ZIK1: variants seen among roughly 807,000 people sequenced by gnomAD.
ZIK1 encodes the protein zinc finger protein interacting with K protein 1, also known as zinc finger protein interacting with ribonucleoprotein K.
In ZIK1, 12 loss-of-function variants were observed where a neutral mutation model predicts 10.7. The ratio of observed to expected loss-of-function variants is 1.12; its 90% confidence interval spans 0.72 to 1.81. ZIK1 has a LOEUF of 1.81. ZIK1 is among the 40% of genes most tolerant of loss of function. The pLI is 0.00. For missense variants in ZIK1, 497 were observed against 585.7 expected (o/e 0.85, Z 1.56); for synonymous variants, 190 against 205.0 (o/e 0.93, Z 0.63).
chr19:57,589,608 A>G (rs2066462489), intron 3 of ZIK1: 1 of 985,184 alleles, frequency 1.0e-6, no homozygotes, highest in Admixed American at 6.2e-5. Context: ...ATCACTTGCT[A>G]CTCAGTTTCA....
In ZIK1 at chr19:57,591,647, G is replaced by C. The variant is rs1419600435; in HGVS notation, c.*372G>C. 5.4e-6 allele frequency: 1 copy of C among 185,848 alleles called. No individual in the cohort carries two copies. The highest frequency in any genetic ancestry group is 1.1e-5 in the Non-Finnish European group (1 of 88,794). 11.5% of individuals were successfully genotyped at this position (185,848 alleles called of 1,614,324 possible). A position where few individuals can be genotyped will look rare whatever the true frequency, so the allele number is the denominator to read the frequency against. ...CTGATCACAGCATACGTGTGACCCA[G>C]TTTGGGTCAGGAGGGCCCAGCCTTG... On this transcript the variant is annotated 3_prime_UTR_variant, in exon 4 of 4. Transcript: ENST00000597850.
rs1249193407 is a variant in ZIK1, at chr19:57,592,280, G to C, written c.*1005G>C. The C allele has an allele frequency of 6.6e-6, 1 of 152,040 alleles. No individual in the cohort carries two copies. The highest frequency in any genetic ancestry group is 3.2e-3 in the Middle Eastern group (1 of 316). The allele number at this position is 152,040 out of a possible 1,614,324, so 9.4% of individuals were successfully genotyped here. ...GCGAGTCACATGTGAACTGTAATTG[G>C]TACAGAAATACCTGGGTATTTCTGT... is the stretch of plus-strand genomic sequence containing the variant. On this transcript the variant is annotated 3_prime_UTR_variant, in exon 4 of 4. Coordinates refer to ENST00000597850, the MANE Select transcript of ZIK1 (RefSeq NM_001010879.4).
At position 57,590,794 on chromosome 19, in the gene ZIK1, G is replaced by A; in HGVS notation, c.983G>A (p.Cys328Tyr). Residue 328 changes from cysteine to tyrosine, a missense_variant, in exon 4 of 4, where the codon TGT becomes TAT. Coordinates refer to ENST00000597850, the MANE Select transcript of ZIK1 (RefSeq NM_001010879.4). ...GCAAGGCCTTATGAGTGTAGCCAGT[G>A]TGGGAAATCCTTTAGCCAAAAAGCC... is the stretch of plus-strand genomic sequence containing the variant. Reference protein sequence around the residue: ...TGARPYECSQCGKSFSQKATL... With the variant: ...TGARPYECSQYGKSFSQKATL... 1 of 1,614,226 alleles carries A rather than the reference G, an allele frequency of 6.2e-7. No individual in the cohort carries two copies.
chr19:57,585,962 A>C (rs1599918336), intron 2 of ZIK1, among the ~76,000 whole-genome samples: 1 of 148,012 alleles, frequency 6.8e-6, no homozygotes, highest in South Asian at 2.1e-4. Flanking sequence ...CAAACTCCTG[A>C]CCTCAGGTGA....
chr19:57,587,898 A>G (rs1979307054), intron 2 of ZIK1, among the ~76,000 whole-genome samples: 1 of 152,044 alleles, frequency 6.6e-6, no homozygotes, highest in Non-Finnish European at 1.5e-5. Flanking sequence ...ATTTTGAATG[A>G]GGGTTAAGAG....
chr19:57,588,987 T>C (rs555673720), intron 3 of ZIK1, among the ~76,000 whole-genome samples: 1 of 152,270 alleles, frequency 6.6e-6, no homozygotes, highest in South Asian at 2.1e-4. Context: ...TTCTTGTGGC[T>C]ACCTGTGTCA....
chr19:57,590,146 T>A lies in ZIK1; in HGVS notation c.335T>A (p.Ile112Asn), dbSNP rs1373853202. The A allele has an allele frequency of 2.5e-6, 4 of 1,614,186 alleles. No individual in the cohort carries two copies. Among genetic ancestry groups the A allele is most frequent in the Non-Finnish European group, 2.5e-6 (3 of 1,180,042 alleles). The change falls in exon 4 of 4, where the codon ATT (isoleucine) becomes AAT (asparagine). Residue 112 changes from isoleucine (I) to asparagine (N), a missense_variant. Coordinates refer to ENST00000597850, the MANE Select transcript of ZIK1 (RefSeq NM_001010879.4). The stretch of plus-strand genomic sequence containing the variant: ...ATGTGTGTCCCAGTCCTGAAAGATA[T>A]TTTGCATCTAGCTGATCTCCCTGGG... Reference protein sequence around the residue: ...CEMCVPVLKDILHLADLPGQK... With the variant: ...CEMCVPVLKDNLHLADLPGQK...
At chr19:57,587,254 C>G (rs1979248522) in intron 2 of ZIK1, among the ~76,000 whole-genome samples, 1 of 152,160 alleles carries the variant, frequency 6.6e-6, no homozygotes, top group Non-Finnish European at 1.5e-5. Context: ...CAAATCATAT[C>G]ATCTGATAAG....
At chr19:57,585,114 C>A in intron 2 of ZIK1, 124 bp downstream of exon 2, 1 of 839,294 alleles carries the variant, frequency 1.2e-6, no homozygotes. Flanking sequence ...AGCTTGACAT[C>A]CTGATTCTAG....
chr19:57,590,044 C>T lies in ZIK1; in HGVS notation c.233C>T (p.Pro78Leu), dbSNP rs1456546790. The T allele has an allele frequency of 6.2e-7, 1 of 1,614,150 alleles. No homozygotes were observed. Among genetic ancestry groups the T allele is most frequent in the Non-Finnish European group, 8.5e-7 (1 of 1,180,006 alleles). The change falls in exon 4 of 4, where the codon CCT becomes CTT. Residue 78 changes from proline to leucine, a missense_variant. Transcript: ENST00000597850. ...CATGGAACAGAGGATGAAGAGACACCTTCTGACCAGAATGTTTCTGTAGGA... is the reference window on the plus strand; with the variant it reads ...CATGGAACAGAGGATGAAGAGACACTTTCTGACCAGAATGTTTCTGTAGGA... ...CGHGTEDEET[P>L]SDQNVSVGVS...
At chr19:57,584,728 G>A in intron 1 of ZIK1, 2 of 1,101,932 alleles carry the variant, frequency 1.8e-6, no homozygotes, top group East Asian at 2.8e-5. Flanking sequence ...CATGGAGTTA[G>A]ACTAGAATAG....
rs1979760096 is a variant in ZIK1, at chr19:57,592,227, C to T, written c.*952C>T. The T allele has an allele frequency of 6.6e-6, 1 of 152,106 alleles. No homozygotes were observed. Among genetic ancestry groups the T allele is most frequent in the African/African-American group, 2.4e-5 (1 of 41,390 alleles). 9.4% of individuals were successfully genotyped at this position (152,106 alleles called of 1,614,324 possible). ...AGGCATGCCCTGATATCAAACATTC[C>T]ATAGGCCGATGTCACGCAGAAGACA... is the stretch of plus-strand genomic sequence containing the variant. On this transcript the variant is annotated 3_prime_UTR_variant, in exon 4 of 4. Coordinates refer to ENST00000597850, the MANE Select transcript of ZIK1 (RefSeq NM_001010879.4).
chr19:57,589,454 T>C (rs1979463564), intron 3 of ZIK1: 3 of 985,312 alleles, frequency 3.0e-6, no homozygotes, highest in African/African-American at 1.7e-5. Context: ...CTATGACTTC[T>C]AGCACCTGGC....
At chr19:57,586,902 T>C (rs1023573307) in intron 2 of ZIK1, among the ~76,000 whole-genome samples, 5 of 152,210 alleles carry the variant, frequency 3.3e-5, no homozygotes. Context: ...TGATTTACTG[T>C]ATTAGTCCAT....
Position 57,592,862 on chromosome 19 carries a change from C to T in ZIK1, c.*1587C>T, listed in dbSNP as rs1979815619. On this transcript the variant is annotated 3_prime_UTR_variant, in exon 4 of 4. Coordinates refer to ENST00000597850, the MANE Select transcript of ZIK1 (RefSeq NM_001010879.4). Reference sequence around the variant, plus strand: ...GAGTTTGTCATACAAGCCTGTGAAACCATAATCATGATCATGAACATATTC... The same window carrying T: ...GAGTTTGTCATACAAGCCTGTGAAATCATAATCATGATCATGAACATATTC... 1 of 152,138 alleles carries T rather than the reference C, an allele frequency of 6.6e-6. No homozygotes were observed. The allele number at this position is 152,138 out of a possible 1,614,324, so 9.4% of individuals were successfully genotyped here. A position where few individuals can be genotyped will look rare whatever the true frequency, so the allele number is the denominator to read the frequency against.
chr19:57,586,748 T>C (rs922082302), intron 2 of ZIK1, among the ~76,000 whole-genome samples: 2 of 152,120 alleles, frequency 1.3e-5, no homozygotes, highest in African/African-American at 4.8e-5. Context: ...AGACAGCAAG[T>C]CTCTAGGAAG....
Position 57,593,119 on chromosome 19 carries a change from A to G in ZIK1, c.*1844A>G, listed in dbSNP as rs1599927735. 1 of 148,766 alleles carries G rather than the reference A, an allele frequency of 6.7e-6. No individual in the cohort carries two copies. The highest frequency in any genetic ancestry group is 1.5e-5 in the Non-Finnish European group (1 of 67,524). The allele number at this position is 148,766 out of a possible 1,614,324, so 9.2% of individuals were successfully genotyped here. A position where few individuals can be genotyped will look rare whatever the true frequency, so the allele number is the denominator to read the frequency against. On this transcript the variant is annotated 3_prime_UTR_variant, in exon 4 of 4. Coordinates refer to ENST00000597850, the MANE Select transcript of ZIK1 (RefSeq NM_001010879.4). Reference sequence around the variant, plus strand: ...GAGTGCAGTGGCATGATCTTGGCTCACTCCAACCTCCTCCTGGGTTCCAGC... The same window carrying G: ...GAGTGCAGTGGCATGATCTTGGCTCGCTCCAACCTCCTCCTGGGTTCCAGC...
Position 57,590,516 on chromosome 19 carries a change from A to C in ZIK1, c.705A>C (p.Gly235=). 1.2e-6 allele frequency: 2 copies of C among 1,614,174 alleles called. No homozygotes were observed. Among genetic ancestry groups the C allele is most frequent in the Non-Finnish European group, 1.7e-6 (2 of 1,180,036 alleles). ...TTTACCATCCAAGAGTCTACACTGG[A>C]AAAAAGCTTTATGAGTGTAGCAAAT... is the stretch of plus-strand genomic sequence containing the variant. ...TPVYHPRVYT[G]KKLYECSKCG... The change falls in exon 4 of 4, where the codon GGA becomes GGC. Residue 235 remains glycine (G), a synonymous_variant. Coordinates refer to ENST00000597850, the MANE Select transcript of ZIK1 (RefSeq NM_001010879.4).
chr19:57,584,249 C>T lies in ZIK1; in HGVS notation c.-108C>T. 1 of 1,476,450 alleles carries T rather than the reference C, an allele frequency of 6.8e-7. No homozygotes were observed. The highest frequency in any genetic ancestry group is 9.0e-7 in the Non-Finnish European group (1 of 1,111,020). The allele number at this position is 1,476,450 out of a possible 1,614,324, so 91.5% of individuals were successfully genotyped here. Reference sequence around the variant, plus strand: ...AGGCGCGAGGGGAGGGGTCCTCCCGCTGAACAGTGGGGGTTCTAAGGGTCG... The same window carrying T: ...AGGCGCGAGGGGAGGGGTCCTCCCGTTGAACAGTGGGGGTTCTAAGGGTCG... On this transcript the variant is annotated 5_prime_UTR_variant, in exon 1 of 4. Transcript: ENST00000597850.
Sources: allele counts gnomAD v4.1 joint callset (sites outside exome capture counted in the v4.1 genomes callset), GRCh38; gene constraint gnomAD v4.1.1; transcripts MANE v1.5; gene names NCBI Gene and HGNC (gene_info 2026-07-23, HGNC 2026-07-21).